The following DOCK1 variants were observed in gnomAD, a reference collection of about 807,000 sequenced individuals.
DOCK1 encodes the protein dedicator of cytokinesis protein 1.
A neutral mutation model predicts 262.7 loss-of-function variants in DOCK1; 138 were observed. That is an observed-to-expected ratio of 0.53 (90% CI 0.46 to 0.61). DOCK1 has a LOEUF of 0.61. DOCK1 is among the 20% of genes least tolerant of loss of function. DOCK1 has a pLI of 0.00. For missense variants in DOCK1, 1,908 were observed against 2,370.7 expected, an observed-to-expected ratio of 0.80 and a Z score of 4.05; for synonymous variants, 866 against 867.4, an observed-to-expected ratio of 1.00 and a Z score of 0.03.
chr10:127,387,787 T>G (rs940682231), intron 38 of DOCK1, among the ~76,000 whole-genome samples: 1 of 151,922 alleles, frequency 6.6e-6, no homozygotes, highest in Admixed American at 6.6e-5. Flanking sequence ...CAGTGCTTCC[T>G]GACAGATGAG....
chr10:127,226,926 G>A (rs2134504765), intron 27 of DOCK1, among the ~76,000 whole-genome samples: 1 of 152,242 alleles, frequency 6.6e-6, no homozygotes, highest in South Asian at 2.1e-4. Context: ...TCATGGCTCT[G>A]TCATGCTGCA....
chr10:127,435,291 C>G (rs1481616716), intron 48 of DOCK1, among the ~76,000 whole-genome samples: 1 of 152,154 alleles, frequency 6.6e-6, no homozygotes, highest in Non-Finnish European at 1.5e-5. Flanking sequence ...TGTTTACAAT[C>G]CATCACCCTA....
chr10:127,075,793 G>A (rs183959806), intron 23 of DOCK1, among the ~76,000 whole-genome samples: 4 of 152,252 alleles, frequency 2.6e-5, no homozygotes, highest in Admixed American at 2.0e-4. Flanking sequence ...CCCGACACGT[G>A]GGGATTACAA....
chr10:127,018,722 C>T lies in DOCK1; in HGVS notation c.1214C>T (p.Thr405Ile), dbSNP rs1306912748. The T allele has an allele frequency of 6.2e-7, 1 of 1,614,012 alleles. No homozygotes were observed. The highest frequency in any genetic ancestry group is 1.1e-5 in the South Asian group (1 of 91,086). The part of the protein sequence containing the change: ...VNHKGQGLWV[T>I]LKLLPGDIHQ... ...ATTGTTTTTCCAGGTTTGTGGGTAA[C>T]ATTGAAATTACTTCCTGGAGATATC... The change falls in exon 13 of 52, where the codon ACA (threonine) becomes ATA (isoleucine). Residue 405 changes from threonine to isoleucine, a missense_variant. Physicochemically the swap from Thr to Ile is moderately conservative, Grantham distance 89 (BLOSUM62 -1). Coordinates refer to ENST00000623213, the MANE Select transcript of DOCK1 (RefSeq NM_001290223.2).
intron 18 of DOCK1, among the ~76,000 whole-genome samples, chr10:127,035,334 G>A (rs2043520082): frequency 6.6e-6 from 1 of 152,204 alleles, no homozygotes; most frequent in South Asian, 2.1e-4. Context: ...TATGAAAGAA[G>A]TACAAGATGT....
At chr10:127,131,398 T>G (rs1483913487) in intron 27 of DOCK1, among the ~76,000 whole-genome samples, 2 of 152,206 alleles carry the variant, frequency 1.3e-5, no homozygotes, top group African/African-American at 2.4e-5. Flanking sequence ...TGGAGTTTCT[T>G]TTATAAAATG....
intron 22 of DOCK1, among the ~76,000 whole-genome samples, chr10:127,055,168 T>G (rs570946757): frequency 1.3e-5 from 2 of 152,196 alleles, no homozygotes; most frequent in African/African-American, 4.8e-5. Flanking sequence ...GTTCACTTTT[T>G]TTTTTTAGTC....
intron 27 of DOCK1, among the ~76,000 whole-genome samples, chr10:127,152,123 G>A (rs538801592): frequency 2.0e-5 from 3 of 152,174 alleles, no homozygotes; most frequent in East Asian, 1.9e-4. Flanking sequence ...GCTTGGTTGC[G>A]TTAAAGACGG....
intron 27 of DOCK1, among the ~76,000 whole-genome samples, chr10:127,216,998 C>T (rs766977627): frequency 3.5e-4 from 53 of 152,016 alleles, no homozygotes; most frequent in Non-Finnish European, 1.3e-4. Context: ...GGGCAGAGCC[C>T]TTGCTTTTTA....
chr10:127,318,441 A>T (rs1209524227), intron 29 of DOCK1, among the ~76,000 whole-genome samples: 1 of 152,218 alleles, frequency 6.6e-6, no homozygotes, highest in Non-Finnish European at 1.5e-5. Flanking sequence ...GAGCTGTGAC[A>T]TTGGAAGGAC....
At chr10:127,262,120 GTGTGTGTGTACCCGTGCTCGTC>G (rs1473026641) in intron 29 of DOCK1, among the ~76,000 whole-genome samples, 1 of 148,896 alleles carries the variant, frequency 6.7e-6, no homozygotes, top group Non-Finnish European at 1.5e-5. Flanking sequence ...ATGTGGGTGT[GTGTGTGTGTACCCGTGCTCGTC>G]TGTGTGTGTA....
intron 1 of DOCK1, among the ~76,000 whole-genome samples, chr10:126,950,290 T>C (rs1237872044): frequency 6.6e-6 from 1 of 152,064 alleles, no homozygotes; most frequent in Non-Finnish European, 1.5e-5. Flanking sequence ...CCTCTTTGGG[T>C]GGCAGTTCTT....
intron 29 of DOCK1, among the ~76,000 whole-genome samples, chr10:127,274,509 C>T (rs1296594782): frequency 6.6e-6 from 1 of 152,104 alleles, no homozygotes; most frequent in African/African-American, 2.4e-5. Context: ...ATAAGCTACA[C>T]CAGCGATGGC....
chr10:127,204,594 T>TA (rs199543263), intron 27 of DOCK1, among the ~76,000 whole-genome samples: 109 of 151,514 alleles, frequency 7.2e-4, no homozygotes, highest in East Asian at 2.7e-3. Context: ...ACCGTTTTTT[T>TA]AAAAAAAAAT....
At chr10:126,955,624 A>G (rs2134459278) in intron 1 of DOCK1, among the ~76,000 whole-genome samples, 1 of 152,212 alleles carries the variant, frequency 6.6e-6, no homozygotes, top group South Asian at 2.1e-4. Context: ...GGTGGTTCCC[A>G]GAAGGCCCAG....
At chr10:126,974,142 A>G (rs2038328150) in intron 2 of DOCK1, among the ~76,000 whole-genome samples, 1 of 152,032 alleles carries the variant, frequency 6.6e-6, no homozygotes, top group Admixed American at 6.6e-5. Context: ...TCCAGATAGG[A>G]GAGGTGAGGC....
intron 27 of DOCK1, among the ~76,000 whole-genome samples, chr10:127,164,990 G>A (rs1318443145): frequency 6.6e-6 from 1 of 152,190 alleles, no homozygotes; most frequent in Non-Finnish European, 1.5e-5. Flanking sequence ...TAAAGCTTAA[G>A]CTATAATTTA....
intron 38 of DOCK1, among the ~76,000 whole-genome samples, chr10:127,395,477 G>A (rs76971767): frequency 0.1 from 15,451 of 152,238 alleles, 854 homozygotes; most frequent in Middle Eastern, 0.16. Context: ...ATTTCAACCC[G>A]TGAATTTGAG....
Position 127,413,228 on chromosome 10 carries a change from G to A in DOCK1, c.4429-1924G>A, listed in dbSNP as rs550143502. 1.6e-3 allele frequency among the ~76,000 whole-genome samples: 241 copies of A among 152,272 alleles called. 1 individual carries two copies. The highest frequency in any genetic ancestry group is 5.5e-3 in the African/African-American group (229 of 41,548). On this transcript the variant is annotated intron_variant, in intron 43 of 51. Transcript: ENST00000623213. ...TCAAGTGAGCCACTGGAGGGTGCGC[G>A]GCCAGTTGGGTGCAGAGCTAAGAAT...
Sources: allele counts gnomAD v4.1 joint callset (sites outside exome capture counted in the v4.1 genomes callset), GRCh38; gene constraint gnomAD v4.1.1; transcripts MANE v1.5; gene names NCBI Gene and HGNC (gene_info 2026-07-23, HGNC 2026-07-21).